TOX3: variants seen among roughly 807,000 people sequenced by gnomAD.
TOX3 encodes the protein TOX high mobility group box family member 3.
In TOX3, 22 loss-of-function variants were observed where a neutral mutation model predicts 64.3. The ratio of observed to expected loss-of-function variants is 0.34; its 90% CI spans 0.24 to 0.49. The LOEUF (loss-of-function observed/expected upper bound fraction) is 0.49. TOX3 is among the 20% of genes least tolerant of loss of function. The pLI, the probability that TOX3 is intolerant of heterozygous loss-of-function variation, is 0.99. For synonymous variants in TOX3, 291 were observed against 273.6 expected, an observed-to-expected ratio of 1.06 and a Z score of -0.63; for missense variants, 661 against 714.4, an observed-to-expected ratio of 0.93 and a Z score of 0.85.
chr16:52,534,224 G>A (rs1198612484), intron 1 of TOX3, among the ~76,000 whole-genome samples: 2 of 152,174 alleles, frequency 1.3e-5, no homozygotes, highest in Non-Finnish European at 2.9e-5. Context: ...TTATCCCAAA[G>A]CTGAGAAATG....
chr16:52,521,737 C>A lies in TOX3; in HGVS notation c.87+24900G>T, dbSNP rs144380586. 2.2e-4 allele frequency among the ~76,000 whole-genome samples: 34 copies of A among 152,340 alleles called. No homozygotes were observed. In the East Asian group the frequency reaches 6.2e-3, roughly 28 times the overall value. On this transcript the variant is annotated intron_variant, in intron 1 of 6. Coordinates refer to ENST00000219746, the MANE Select transcript of TOX3 (RefSeq NM_001080430.4). Reference sequence around the variant, plus strand: ...TCAAACTGTGATCCCAGGAAGGCAGCATCAGCATCACCTAGCAACTTGTTA... The same window carrying A: ...TCAAACTGTGATCCCAGGAAGGCAGAATCAGCATCACCTAGCAACTTGTTA...
Position 52,439,211 on chromosome 16 carries a change from T to G in TOX3, c.*14A>C. On this transcript the variant is annotated 3_prime_UTR_variant, in exon 7 of 7. Transcript: ENST00000219746. ...TCTCCTTGGTATACGCAAATCCGTC[T>G]GCCATATGCGTCTTCAGAAAATACT... is the stretch of plus-strand genomic sequence containing the variant. The G allele has an allele frequency of 6.2e-7, 1 of 1,613,832 alleles. No homozygotes were observed. Among genetic ancestry groups the G allele is most frequent in the Non-Finnish European group, 8.5e-7 (1 of 1,179,798 alleles).
intron 1 of TOX3, among the ~76,000 whole-genome samples, chr16:52,493,856 C>T (rs1345981687): frequency 6.6e-6 from 1 of 152,124 alleles, no homozygotes; most frequent in African/African-American, 2.4e-5. Flanking sequence ...CAGTCACTGC[C>T]ACACTCCTTA....
intron 5 of TOX3, 178 bp from the exon 6 acceptor site, chr16:52,444,534 CGGATATTA>C: frequency 2.3e-6 from 1 of 436,118 alleles, no homozygotes; most frequent in Non-Finnish European, 4.0e-6. Flanking sequence ...CACACACACA[CGGATATTA>C]AAACAAAACA....
chr16:52,485,186 T>C (rs774264779), intron 1 of TOX3, among the ~76,000 whole-genome samples: 4 of 148,534 alleles, frequency 2.7e-5, no homozygotes, highest in Non-Finnish European at 4.4e-5. Flanking sequence ...TGCGTGTGTA[T>C]ATGTAGTGTG....
intron 1 of TOX3, among the ~76,000 whole-genome samples, chr16:52,532,069 G>A (rs908239345): frequency 2.6e-5 from 4 of 152,136 alleles, no homozygotes; most frequent in Non-Finnish European, 4.4e-5. Context: ...TTGAACTGAC[G>A]GCAGACAGGG....
intron 1 of TOX3, among the ~76,000 whole-genome samples, chr16:52,526,626 C>T (rs1367656539): frequency 6.6e-6 from 1 of 152,152 alleles, no homozygotes; most frequent in African/African-American, 2.4e-5. Context: ...CAATAAACCC[C>T]TGATCAGAGC....
At chr16:52,486,901 A>G (rs1596817744) in intron 1 of TOX3, among the ~76,000 whole-genome samples, 1 of 152,026 alleles carries the variant, frequency 6.6e-6, no homozygotes, top group South Asian at 2.1e-4. Flanking sequence ...GTACCACTGC[A>G]CTCCAGCCTG....
chr16:52,487,128 A>C (rs1961553566), intron 1 of TOX3, among the ~76,000 whole-genome samples: 1 of 152,098 alleles, frequency 6.6e-6, no homozygotes, highest in Admixed American at 6.6e-5. Context: ...TTTTCTTATA[A>C]TAAAGCAGAA....
At chr16:52,471,017 G>C (rs1173556702) in intron 1 of TOX3, among the ~76,000 whole-genome samples, 1 of 152,158 alleles carries the variant, frequency 6.6e-6, no homozygotes. Flanking sequence ...TCTTTCTCCT[G>C]CATAGGTACC....
intron 1 of TOX3, among the ~76,000 whole-genome samples, chr16:52,471,923 C>T (rs1961057762): frequency 6.6e-6 from 1 of 152,192 alleles, no homozygotes; most frequent in Non-Finnish European, 1.5e-5. Flanking sequence ...GTCTAGCCTC[C>T]TCCCTACCTC....
chr16:52,513,425 G>A (rs1962363472), intron 1 of TOX3, among the ~76,000 whole-genome samples: 1 of 152,124 alleles, frequency 6.6e-6, no homozygotes, highest in Non-Finnish European at 1.5e-5. Context: ...CATGCAACTG[G>A]AACTGTTACA....
intron 3 of TOX3, 88 bp downstream of exon 3, chr16:52,463,840 GGCAAGA>G (rs1960770989): frequency 7.8e-6 from 11 of 1,413,078 alleles, no homozygotes; most frequent in Middle Eastern, 4.3e-4. Context: ...ACTAGGAACA[GGCAAGA>G]GCACGTTTCA....
At chr16:52,496,894 A>G (rs1311938234) in intron 1 of TOX3, among the ~76,000 whole-genome samples, 2 of 145,276 alleles carry the variant, frequency 1.4e-5, no homozygotes, top group Admixed American at 1.4e-4. Context: ...ACATATTTAT[A>G]CCTATGTTAT....
intron 1 of TOX3, among the ~76,000 whole-genome samples, chr16:52,485,824 C>T (rs1961515745): frequency 6.6e-6 from 1 of 151,864 alleles, no homozygotes; most frequent in Non-Finnish European, 1.5e-5. Context: ...TGGATGGATC[C>T]CAGGAACTTC....
chr16:52,465,281 T>G (rs986414763), intron 2 of TOX3, among the ~76,000 whole-genome samples: 2 of 151,786 alleles, frequency 1.3e-5, no homozygotes, highest in Non-Finnish European at 2.9e-5. Context: ...CCCAAAGTGC[T>G]GGGATTACAG....
intron 1 of TOX3, among the ~76,000 whole-genome samples, chr16:52,544,221 A>G (rs2151492812): frequency 6.6e-6 from 1 of 152,352 alleles, no homozygotes; most frequent in East Asian, 1.9e-4. Flanking sequence ...ATAAACCTAT[A>G]TTGAACAGCA....
intron 3 of TOX3, among the ~76,000 whole-genome samples, chr16:52,463,425 T>C (rs1596793131): frequency 6.6e-6 from 1 of 152,228 alleles, no homozygotes; most frequent in South Asian, 2.1e-4. Flanking sequence ...GTATTTCACA[T>C]AATCACTTGT....
At chr16:52,534,229 G>A (rs1962905171) in intron 1 of TOX3, among the ~76,000 whole-genome samples, 1 of 152,142 alleles carries the variant, frequency 6.6e-6, no homozygotes, top group African/African-American at 2.4e-5. Context: ...CCAAAGCTGA[G>A]AAATGAAACT....
Sources: gnomAD v4.1 joint callset for allele counts (sites outside exome capture counted in the v4.1 genomes callset) on GRCh38, gnomAD v4.1.1 for gene constraint, MANE v1.5 for transcripts, NCBI Gene and HGNC (gene_info 2026-07-23, HGNC 2026-07-21) for gene names.